The following SP100 variants were observed in gnomAD, a reference collection of about 807,000 sequenced individuals.
The protein encoded by SP100 is SP100 nuclear body protein.
A neutral mutation model predicts 130.0 loss-of-function variants in SP100; 84 were observed. That is an observed-to-expected ratio of 0.65 (90% CI 0.54 to 0.77). The LOEUF (loss-of-function observed/expected upper bound fraction) is 0.77, where lower values mean the gene tolerates loss of function less well. Ranked by LOEUF, SP100 falls within the 30% of genes least tolerant of loss-of-function variation. The pLI, the probability that SP100 is intolerant of heterozygous loss-of-function variation, is 0.00. For missense variants in SP100, 978 were observed against 1,052.2 expected (o/e 0.93, Z 0.97); for synonymous variants, 331 against 351.7 (o/e 0.94, Z 0.66).
chr2:230,488,131 G>A (rs556135641), intron 17 of SP100, among the ~76,000 whole-genome samples: 1 of 152,098 alleles, frequency 6.6e-6, no homozygotes, highest in African/African-American at 2.4e-5. Context: ...TCATCTGCAA[G>A]TACAGACAAT....
rs150147150 is a variant in SP100, at chr2:230,473,441, G to A, written c.1546+1G>A. 4,552 of 1,585,688 alleles carry A rather than the reference G, an allele frequency of 2.9e-3. 6 individuals carry two copies. The highest frequency in any genetic ancestry group is 3.6e-3 in the Non-Finnish European group (4,169 of 1,154,322). On this transcript the variant is annotated splice_donor_variant, in intron 16 of 28. Coordinates refer to ENST00000340126, the MANE Select transcript of SP100 (RefSeq NM_001080391.2). LOFTEE classifies it high-confidence loss of function. ...AGTAGTCAAGCATCTGACATGATGGGTAAGGCTACCCTAGGGTCTTGGGAT... is the reference window on the plus strand; with the variant it reads ...AGTAGTCAAGCATCTGACATGATGGATAAGGCTACCCTAGGGTCTTGGGAT...
At chr2:230,451,894 T>C (rs980270473) in intron 8 of SP100, among the ~76,000 whole-genome samples, 1 of 152,226 alleles carries the variant, frequency 6.6e-6, no homozygotes, top group African/African-American at 2.4e-5. Context: ...ATTAAAGAGA[T>C]AGATATCCTT....
chr2:230,511,257 C>A, intron 24 of SP100, 91 bp downstream of exon 24: 1 of 917,578 alleles, frequency 1.1e-6, no homozygotes, highest in East Asian at 2.4e-5. Flanking sequence ...GAAGCATGCT[C>A]AGTCTCAGTT....
rs188701125 is a variant in SP100, at chr2:230,491,143, C to T, written c.1601-3273C>T. ...CATAGGTTTGGTCTTTTTACAAAGTCCCATATTTCTTGGAGGCTTTATTCA... is the reference window on the plus strand; with the variant it reads ...CATAGGTTTGGTCTTTTTACAAAGTTCCATATTTCTTGGAGGCTTTATTCA... On this transcript the variant is annotated intron_variant, in intron 17 of 28. Coordinates refer to ENST00000340126, the MANE Select transcript of SP100 (RefSeq NM_001080391.2). 4.1e-3 allele frequency among the ~76,000 whole-genome samples: 625 copies of T among 152,286 alleles called. 2 individuals are homozygous for T. The highest frequency in any genetic ancestry group is 0.017 in the Middle Eastern group (5 of 294).
At chr2:230,453,869 T>A (rs1305959195) in intron 8 of SP100, among the ~76,000 whole-genome samples, 2 of 152,324 alleles carry the variant, frequency 1.3e-5, no homozygotes, top group Non-Finnish European at 2.9e-5. Context: ...TTGAAAAAGA[T>A]TGCTATTTGT....
At position 230,506,314 on chromosome 2, in the gene SP100, A is replaced by G. The variant is rs1189667951; in HGVS notation, c.1882A>G (p.Lys628Glu). Reference protein sequence around the residue: ...KERFKQGTSKKCIQSEDKKWF... With the variant: ...KERFKQGTSKECIQSEDKKWF... ...CCTTGGTCTTACAGGAACCTCAAAG[A>G]AGTGTATACAGAGTGAGGATAAAAA... Residue 628 changes from lysine to glutamate, a missense_variant, in exon 22 of 29, where the codon AAG (lysine) becomes GAG (glutamate). Lys to Glu is a moderately conservative substitution (Grantham distance 56, BLOSUM62 1). Coordinates refer to ENST00000340126, the MANE Select transcript of SP100 (RefSeq NM_001080391.2). 6.8e-6 allele frequency: 11 copies of G among 1,613,786 alleles called. No individual in the cohort carries two copies. Among genetic ancestry groups the G allele is most frequent in the Non-Finnish European group, 9.3e-6 (11 of 1,179,738 alleles).
At chr2:230,478,557 T>C (rs2065678888) in intron 17 of SP100, among the ~76,000 whole-genome samples, 1 of 152,212 alleles carries the variant, frequency 6.6e-6, no homozygotes, top group South Asian at 2.1e-4. Context: ...AATTTAACAC[T>C]TTGTCAAATC....
chr2:230,466,230 C>A, intron 11 of SP100, 71 bp from the exon 12 acceptor site: 2 of 794,718 alleles, frequency 2.5e-6, no homozygotes, highest in Admixed American at 2.4e-5. Flanking sequence ...AGCCCATTTG[C>A]CATGTCAGTT....
chr2:230,438,979 A>C (rs1294309856), intron 2 of SP100, among the ~76,000 whole-genome samples: 1 of 152,162 alleles, frequency 6.6e-6, no homozygotes, highest in African/African-American at 2.4e-5. Flanking sequence ...GCAGTGTAAA[A>C]GTGTTCCCTT....
At chr2:230,480,138 G>A (rs923985884) in intron 17 of SP100, among the ~76,000 whole-genome samples, 1 of 152,064 alleles carries the variant, frequency 6.6e-6, no homozygotes, top group Non-Finnish European at 1.5e-5. Context: ...TTTCTTCATT[G>A]CTGTCTCCCC....
chr2:230,497,946 G>A (rs1305517814), intron 18 of SP100, among the ~76,000 whole-genome samples: 1 of 152,150 alleles, frequency 6.6e-6, no homozygotes, highest in Non-Finnish European at 1.5e-5. Context: ...ATCATAATGA[G>A]CAGGACAATC....
intron 24 of SP100, among the ~76,000 whole-genome samples, chr2:230,519,464 G>A (rs962294523): frequency 2.6e-5 from 4 of 152,034 alleles, no homozygotes; most frequent in Admixed American, 6.6e-5. Context: ...ACGTAAATAC[G>A]TTTTCCCCCT....
At position 230,433,515 on chromosome 2, in the gene SP100, T is replaced by G. The variant is rs192819853; in HGVS notation, c.108-9422T>G. ...CCATGTAAATTTTAGGATCAGCTTCTCAATTTCTGCAAAAGGCCATTGGAG... is the reference window on the plus strand; with the variant it reads ...CCATGTAAATTTTAGGATCAGCTTCGCAATTTCTGCAAAAGGCCATTGGAG... On this transcript the variant is annotated intron_variant, in intron 2 of 28. Coordinates refer to ENST00000340126, the MANE Select transcript of SP100 (RefSeq NM_001080391.2). 7.2e-5 allele frequency among the ~76,000 whole-genome samples: 11 copies of G among 152,246 alleles called. 1 individual carries two copies. The highest frequency in any genetic ancestry group is 5.9e-4 in the Admixed American group (9 of 15,298).
chr2:230,490,279 G>A (rs1436889912), intron 17 of SP100, among the ~76,000 whole-genome samples: 1 of 151,730 alleles, frequency 6.6e-6, no homozygotes, highest in Non-Finnish European at 1.5e-5. Context: ...ATCTTTGTTG[G>A]TTTAAAGTCT....
At chr2:230,450,361 A>T (rs1016994838) in intron 8 of SP100, 106 bp downstream of exon 8, 16 of 730,188 alleles carry the variant, frequency 2.2e-5, no homozygotes, top group African/African-American at 7.1e-5. Context: ...ACCACTTTTT[A>T]AAATTACCAG....
chr2:230,498,483 A>G lies in SP100; in HGVS notation c.1668A>G (p.Arg556=), dbSNP rs1276138786. The G allele has an allele frequency of 6.6e-7, 1 of 1,516,868 alleles. No homozygotes were observed. The highest frequency in any genetic ancestry group is 8.8e-7 in the Non-Finnish European group (1 of 1,141,278). 94.0% of individuals were successfully genotyped at this position (1,516,868 alleles called of 1,614,324 possible). The change falls in exon 19 of 29, where the codon AGA becomes AGG. Residue 556 remains arginine (R), a synonymous_variant. Coordinates refer to ENST00000340126, the MANE Select transcript of SP100 (RefSeq NM_001080391.2). ...CAGGGAGAAAGAAAGACAGACCTAG[A>G]AAACATTTAACTCTGAATAACAAAG... ...LQRGRKKDRP[R]KHLTLNNKVQ...
chr2:230,427,453 G>A (rs1409934716), intron 2 of SP100, among the ~76,000 whole-genome samples: 1 of 151,926 alleles, frequency 6.6e-6, no homozygotes, highest in Non-Finnish European at 1.5e-5. Context: ...GAGCCACTGC[G>A]CCCAACCTAA....
chr2:230,539,096 A>G (rs1189755621), intron 24 of SP100, 171 bp from the exon 25 acceptor site: 1 of 447,486 alleles, frequency 2.2e-6, no homozygotes, highest in Non-Finnish European at 4.1e-6. Context: ...CACAGCCACT[A>G]TCTACTGAAC....
rs183792875 is a variant in SP100 at position 230,544,581 on chromosome 2, G to A, written c.*1635G>A. ...TGGCTCACCACAACCTCTGCCTCCC[G>A]GGTTCAAGCAATTCTCCTGCCTCAG... On this transcript the variant is annotated 3_prime_UTR_variant, in exon 29 of 29. Coordinates refer to ENST00000340126, the MANE Select transcript of SP100 (RefSeq NM_001080391.2). Among the ~76,000 whole-genome samples, 16 of 152,156 alleles carry A rather than the reference G, an allele frequency of 1.1e-4. No homozygotes were observed. In the East Asian group the frequency reaches 2.7e-3, roughly 26 times the overall value.
Sources: gnomAD v4.1 joint callset for allele counts (sites outside exome capture counted in the v4.1 genomes callset) on GRCh38, gnomAD v4.1.1 for gene constraint, MANE v1.5 for transcripts, NCBI Gene and HGNC (gene_info 2026-07-23, HGNC 2026-07-21) for gene names.